The following CADM3 variants were observed in gnomAD, a reference collection of about 807,000 sequenced individuals.
The protein encoded by CADM3 is cell adhesion molecule 3.
CADM3 carries 11 observed loss-of-function variants against 44.9 expected under a neutral mutation model. The observed-to-expected ratio is 0.25, with a 90% CI of 0.15 to 0.41. The LOEUF (loss-of-function observed/expected upper bound fraction) is 0.41, where lower values mean the gene tolerates loss of function less well. Among genes scored for constraint, CADM3 ranks in the 10% least tolerant of loss-of-function variants. The probability of loss-of-function intolerance (pLI) is 1.00; values close to 1 mark genes in which losing one functional copy is unlikely to be tolerated. For missense variants in CADM3, 426 were observed against 512.0 expected (o/e 0.83, Z 1.62); for synonymous variants, 207 against 205.2 (o/e 1.01, Z -0.08).
chr1:159,191,584 C>T (rs1386104666), intron 1 of CADM3, among the ~76,000 whole-genome samples: 1 of 152,120 alleles, frequency 6.6e-6, no homozygotes, highest in Non-Finnish European at 1.5e-5. Context: ...TGTGTGTTTT[C>T]AGAGGTAAAT....
intron 1 of CADM3, chr1:159,178,537 G>C (rs1035344448): frequency 6.6e-6 from 1 of 152,166 alleles, no homozygotes; most frequent in Admixed American, 6.5e-5. Flanking sequence ...AGCAGGGTTA[G>C]GCCTGGTTAG....
chr1:159,186,709 T>C (rs1381537850), intron 1 of CADM3, among the ~76,000 whole-genome samples: 1 of 152,150 alleles, frequency 6.6e-6, no homozygotes. Context: ...TACAATTTTA[T>C]AAAATGACAG....
intron 1 of CADM3, among the ~76,000 whole-genome samples, chr1:159,176,734 C>T (rs1291103419): frequency 6.6e-6 from 1 of 152,184 alleles, no homozygotes; most frequent in Non-Finnish European, 1.5e-5. Flanking sequence ...GAGGCTTGAA[C>T]GCATGAATCT....
Position 159,200,879 on chromosome 1 carries a change from G to A in CADM3, c.1154G>A (p.Gly385Asp). 1 of 1,610,340 alleles carries A rather than the reference G, an allele frequency of 6.2e-7. No individual in the cohort carries two copies. The highest frequency in any genetic ancestry group is 8.5e-7 in the Non-Finnish European group (1 of 1,178,154). Residue 385 changes from glycine (G) to aspartate (D), a missense_variant, in exon 9 of 9, where the codon GGC (glycine) becomes GAC (aspartate). Physicochemically the swap from Gly to Asp is moderately conservative, Grantham distance 94 (BLOSUM62 -1). Coordinates refer to ENST00000368125, the MANE Select transcript of CADM3 (RefSeq NM_001127173.3). ...DADTAIINAE[G>D]GQSGGDDKKE... ...GACACGGCCATCATCAATGCAGAAG[G>A]CGGGCAGTCAGGAGGGGACGACAAG...
intron 1 of CADM3, 113 bp from the exon 2 acceptor site, chr1:159,191,823 C>G: frequency 4.0e-6 from 5 of 1,256,932 alleles, no homozygotes; most frequent in African/African-American, 1.5e-5. Context: ...ACACAGAGAC[C>G]TTGTGTACAC....
chr1:159,189,898 A>C, intron 1 of CADM3: 57 of 1,502,656 alleles, frequency 3.8e-5, no homozygotes, highest in Non-Finnish European at 4.9e-5. Context: ...CCCTCATCTC[A>C]ATGTCCCTCA....
chr1:159,192,234 G>T (rs4656165), intron 2 of CADM3, among the ~76,000 whole-genome samples, 158 bp downstream of exon 2: 1 of 152,088 alleles, frequency 6.6e-6, no homozygotes, highest in Non-Finnish European at 1.5e-5. Flanking sequence ...ACTGGTTCCA[G>T]TATTGCAGCT....
chr1:159,189,184 A>C (rs1649546785), intron 1 of CADM3, among the ~76,000 whole-genome samples: 1 of 152,198 alleles, frequency 6.6e-6, no homozygotes, highest in African/African-American at 2.4e-5. Flanking sequence ...TTGAATTTCT[A>C]GTCTTCATCT....
At chr1:159,173,302 G>A (rs926009031) in intron 1 of CADM3, among the ~76,000 whole-genome samples, 1 of 152,070 alleles carries the variant, frequency 6.6e-6, no homozygotes, top group Non-Finnish European at 1.5e-5. Context: ...AACAGGCGAA[G>A]AGCCAGGGTG....
rs377632039 is a variant in CADM3, at chr1:159,193,849, G to T, written c.521-21G>T. 1.7e-5 allele frequency: 28 copies of T among 1,610,102 alleles called. No homozygotes were observed. In the African/African-American group the frequency reaches 3.3e-4, roughly 19 times the overall value. ...TCTCTCTCTGTGTGTTTGTGTGTGT[G>T]CCACTGTTTCTGCACTCTAGGAGAA... is the stretch of plus-strand genomic sequence containing the variant. On this transcript the variant is annotated intron_variant, in intron 4 of 8. Transcript: ENST00000368125.
At chr1:159,194,320 T>A (rs538827539) in intron 5 of CADM3, 11 of 278,578 alleles carry the variant, frequency 3.9e-5, no homozygotes, top group Middle Eastern at 2.0e-3. Context: ...ACAAACGAGC[T>A]GGGCTGTGTT....
At chr1:159,192,097 T>G (rs769584521) in intron 2 of CADM3, 21 bp downstream of exon 2, 1 of 1,612,574 alleles carries the variant, frequency 6.2e-7, no homozygotes, top group Non-Finnish European at 8.5e-7. Flanking sequence ...ATGAGTTATC[T>G]TTCTCCGTGA....
At position 159,171,730 on chromosome 1, in the gene CADM3, G is replaced by A; in HGVS notation, c.-36G>A. The A allele has an allele frequency of 8.2e-7, 1 of 1,225,682 alleles. No homozygotes were observed. The highest frequency in any genetic ancestry group is 1.0e-6 in the Non-Finnish European group (1 of 982,190). The allele number at this position is 1,225,682 out of a possible 1,614,324, so 75.9% of individuals were successfully genotyped here. A position where few individuals can be genotyped will look rare whatever the true frequency, so the allele number is the denominator to read the frequency against. On this transcript the variant is annotated 5_prime_UTR_variant, in exon 1 of 9. Transcript: ENST00000368125. Reference sequence around the variant, plus strand: ...CCCCAGCCCCCGGGGATTCAGGCTCGCCAGCGCCCAGCCAGGGAGCCGGCC... The same window carrying A: ...CCCCAGCCCCCGGGGATTCAGGCTCACCAGCGCCCAGCCAGGGAGCCGGCC...
intron 1 of CADM3, among the ~76,000 whole-genome samples, chr1:159,186,877 C>G (rs1419272497): frequency 6.6e-6 from 1 of 152,158 alleles, no homozygotes; most frequent in Non-Finnish European, 1.5e-5. Flanking sequence ...AGTGAGTGCT[C>G]TGTAAACCCA....
At position 159,171,815 on chromosome 1, in the gene CADM3, G is replaced by C; in HGVS notation, c.50G>C (p.Cys17Ser). ...SLLLLLLLFA[C>S]CWAPGGANLS... ...CTGCTCCTGCTCCTGCTGTTCGCCT[G>C]CTGCTGGGCGCCCGGCGGGGCCAAC... is the stretch of plus-strand genomic sequence containing the variant. Residue 17 changes from cysteine (C) to serine (S), a missense_variant, in exon 1 of 9, where the codon TGC becomes TCC. Around this residue, in one of 2 missense-constraint regions of CADM3, gnomAD observed 64 missense variants for 37.4 expected, o/e 1.71. Coordinates refer to ENST00000368125, the MANE Select transcript of CADM3 (RefSeq NM_001127173.3). 8.0e-7 allele frequency: 1 copy of C among 1,247,176 alleles called. No homozygotes were observed. The highest frequency in any genetic ancestry group is 4.0e-5 in the South Asian group (1 of 24,962). 77.3% of individuals were successfully genotyped at this position (1,247,176 alleles called of 1,614,324 possible).
At chr1:159,178,287 C>T (rs1375807683) in intron 1 of CADM3, among the ~76,000 whole-genome samples, 1 of 152,138 alleles carries the variant, frequency 6.6e-6, no homozygotes, top group East Asian at 1.9e-4. Flanking sequence ...AAAATGAATC[C>T]TACCCAGTTT....
chr1:159,189,884 G>C, intron 1 of CADM3: 1 of 1,575,124 alleles, frequency 6.3e-7, no homozygotes, highest in East Asian at 2.3e-5. Context: ...TGAGAATCCA[G>C]GCCCCCTCAT....
At chr1:159,174,491 G>A (rs1028807521) in intron 1 of CADM3, among the ~76,000 whole-genome samples, 1 of 152,180 alleles carries the variant, frequency 6.6e-6, no homozygotes, top group Non-Finnish European at 1.5e-5. Context: ...ATACTCTTAT[G>A]GTGATGTTTG....
At chr1:159,178,452 G>A (rs916450715) in intron 1 of CADM3, 14 of 152,144 alleles carry the variant, frequency 9.2e-5, no homozygotes, top group Admixed American at 6.5e-4. Context: ...GTAAATGAGA[G>A]GCATAGAAAG....
Sources: gnomAD v4.1 joint callset for allele counts (sites outside exome capture counted in the v4.1 genomes callset) on GRCh38, gnomAD v4.1.1 for gene constraint, gnomAD v4.1.1 regional missense constraint, MANE v1.5 for transcripts, NCBI Gene and HGNC (gene_info 2026-07-23, HGNC 2026-07-21) for gene names.